Variants in DTD1 observed in about 807,000 individuals in gnomAD.
DTD1 encodes D-tyrosyl-tRNA deacylase 1 homolog.
A neutral mutation model predicts 25.6 loss-of-function variants in DTD1; 13 were observed. That is an observed-to-expected ratio of 0.51 (90% CI 0.33 to 0.81). The LOEUF is 0.81. Among genes scored for constraint, DTD1 ranks in the 30% least tolerant of loss-of-function variants. The pLI is 0.02. For missense variants in DTD1, 193 were observed against 266.4 expected (o/e 0.72, Z 1.92); for synonymous variants, 110 against 103.6 (o/e 1.06, Z -0.37).
intron 4 of DTD1, among the ~76,000 whole-genome samples, chr20:18,682,036 C>T (rs191176735): frequency 2.1e-4 from 32 of 152,292 alleles, no homozygotes; most frequent in Admixed American, 5.9e-4. Flanking sequence ...TCTATGGTAC[C>T]TGCCCACAGG....
At chr20:18,588,897 T>A (rs2060577487) in intron 1 of DTD1, 1 of 982,938 alleles carries the variant, frequency 1.0e-6, no homozygotes, top group Non-Finnish European at 1.2e-6. Context: ...CGAAAGATAT[T>A]TTTTAAAAAA....
At chr20:18,641,412 A>T (rs146992324) in intron 4 of DTD1, among the ~76,000 whole-genome samples, 176 of 152,292 alleles carry the variant, frequency 1.2e-3, no homozygotes, top group Middle Eastern at 3.4e-3. Flanking sequence ...TTGAGGAACC[A>T]CTATACTGTT....
At chr20:18,627,468 G>A (rs920965997) in intron 3 of DTD1, among the ~76,000 whole-genome samples, 6 of 152,192 alleles carry the variant, frequency 3.9e-5, no homozygotes, top group African/African-American at 1.4e-4. Flanking sequence ...ACCATGTACA[G>A]TCCCGGTAAC....
At chr20:18,750,052 A>G (rs1406719222) in intron 5 of DTD1, among the ~76,000 whole-genome samples, 6 of 152,220 alleles carry the variant, frequency 3.9e-5, no homozygotes. Context: ...ATGTCCAGGC[A>G]GGGAGGAGTC....
intron 3 of DTD1, among the ~76,000 whole-genome samples, chr20:18,608,178 T>G (rs2122270841): frequency 6.6e-6 from 1 of 152,308 alleles, no homozygotes; most frequent in African/African-American, 2.4e-5. Context: ...TGGTATCCCC[T>G]TACCCTCTTT....
At chr20:18,633,025 T>A (rs1376702344) in intron 4 of DTD1, among the ~76,000 whole-genome samples, 2 of 151,880 alleles carry the variant, frequency 1.3e-5, no homozygotes, top group South Asian at 4.2e-4. Context: ...AACATAAACC[T>A]GAAAGGTTAA....
At chr20:18,612,762 G>A (rs185554150) in intron 3 of DTD1, among the ~76,000 whole-genome samples, 83 of 151,962 alleles carry the variant, frequency 5.5e-4, no homozygotes, top group Middle Eastern at 3.4e-3. Flanking sequence ...AGGTTCAAGC[G>A]ATTCTCCTGC....
chr20:18,707,629 T>A (rs1012164384), intron 4 of DTD1, among the ~76,000 whole-genome samples: 4 of 152,148 alleles, frequency 2.6e-5, no homozygotes, highest in Non-Finnish European at 4.4e-5. Context: ...CAAGAAAGAC[T>A]CTTTGGGCAT....
intron 3 of DTD1, chr20:18,620,026 A>G (rs898323424): frequency 4.6e-5 from 7 of 151,726 alleles, no homozygotes; most frequent in African/African-American, 1.5e-4. Flanking sequence ...ATTTCTATCT[A>G]TTCTTTTTGT....
chr20:18,613,128 A>C (rs1373515890), intron 3 of DTD1, among the ~76,000 whole-genome samples: 3 of 152,182 alleles, frequency 2.0e-5, no homozygotes, highest in African/African-American at 7.2e-5. Context: ...ATGTTCATCC[A>C]GGATTTTAGT....
chr20:18,634,409 T>G (rs935482813), intron 4 of DTD1, among the ~76,000 whole-genome samples: 2 of 152,322 alleles, frequency 1.3e-5, no homozygotes, highest in African/African-American at 4.8e-5. Context: ...TCTCATTTAT[T>G]TAGTGCCATC....
intron 1 of DTD1, among the ~76,000 whole-genome samples, chr20:18,590,119 C>A (rs768456190): frequency 6.6e-6 from 1 of 152,154 alleles, no homozygotes; most frequent in Non-Finnish European, 1.5e-5. Context: ...AGGAGTCACA[C>A]ATTTTATTTT....
intron 4 of DTD1, among the ~76,000 whole-genome samples, chr20:18,675,786 G>GT (rs1568665436): frequency 1.6e-4 from 1 of 6,266 alleles, no homozygotes; most frequent in African/African-American, 3.6e-4. Flanking sequence ...ACATATATAT[G>GT]TGTAAATATA....
intron 3 of DTD1, among the ~76,000 whole-genome samples, chr20:18,603,725 AC>A (rs1211185738): frequency 2.3e-5 from 3 of 133,320 alleles, no homozygotes; most frequent in Non-Finnish European, 4.9e-5. Context: ...TTTGAAACCA[AC>A]GAGAACAAAG....
intron 4 of DTD1, among the ~76,000 whole-genome samples, chr20:18,662,660 G>A (rs868049234): frequency 2.0e-5 from 3 of 152,182 alleles, no homozygotes; most frequent in South Asian, 2.1e-4. Flanking sequence ...AATACTGTGC[G>A]CCAGTTAAAA....
intron 4 of DTD1, among the ~76,000 whole-genome samples, chr20:18,672,928 G>A (rs924765824): frequency 6.6e-6 from 1 of 152,160 alleles, no homozygotes. Context: ...AGAAGTCTCC[G>A]GCTTCTGAGC....
At chr20:18,598,221 A>G (rs959424291) in intron 3 of DTD1, among the ~76,000 whole-genome samples, 1 of 151,946 alleles carries the variant, frequency 6.6e-6, no homozygotes, top group Non-Finnish European at 1.5e-5. Flanking sequence ...AAGTAAGAAC[A>G]TGTGGCGTTT....
chr20:18,715,604 A>C (rs1240346368), intron 4 of DTD1, among the ~76,000 whole-genome samples: 2 of 152,226 alleles, frequency 1.3e-5, no homozygotes, highest in Non-Finnish European at 2.9e-5. Flanking sequence ...TACTATTTCT[A>C]TTCTGGTGGG....
chr20:18,734,498 G>A (rs894271043), intron 4 of DTD1, among the ~76,000 whole-genome samples: 2 of 152,184 alleles, frequency 1.3e-5, no homozygotes, highest in Admixed American at 1.3e-4. Flanking sequence ...TCAGGCTACT[G>A]TGCCCTTTTT....
Sources: allele counts gnomAD v4.1 joint callset (sites outside exome capture counted in the v4.1 genomes callset), GRCh38; gene constraint gnomAD v4.1.1; transcripts MANE v1.5; gene names NCBI Gene and HGNC (gene_info 2026-07-23, HGNC 2026-07-21).